DPYD: variants seen among roughly 807,000 people sequenced by gnomAD.
The protein encoded by DPYD is dihydropyrimidine dehydrogenase [NADP(+)].
In DPYD, 109 loss-of-function variants were observed where a neutral mutation model predicts 116.2. That is an observed-to-expected ratio of 0.94 (90% CI 0.80 to 1.10). The LOEUF (loss-of-function observed/expected upper bound fraction) is 1.10, where lower values mean the gene tolerates loss of function less well. Among genes scored for constraint, DPYD ranks in the 50% least tolerant of loss-of-function variants. DPYD has a pLI of 0.00. For missense variants in DPYD, 1,302 were observed against 1,254.5 expected, an observed-to-expected ratio of 1.04 and a Z score of -0.57; for synonymous variants, 440 against 432.0, an observed-to-expected ratio of 1.02 and a Z score of -0.23.
intron 2 of DPYD, among the ~76,000 whole-genome samples, chr1:97,882,280 CTCTGTT>C (rs1360934268): frequency 6.6e-6 from 1 of 151,906 alleles, no homozygotes; most frequent in African/African-American, 2.4e-5. Flanking sequence ...AACATTGTTT[CTCTGTT>C]TCTTTTTCTT....
chr1:97,152,702 T>C (rs1388982586), intron 20 of DPYD, among the ~76,000 whole-genome samples: 3 of 151,214 alleles, frequency 2.0e-5, no homozygotes, highest in Admixed American at 6.6e-5. Flanking sequence ...TATATTGATA[T>C]ATATAATTAT....
In DPYD at chr1:97,602,024, A is replaced by T. The variant is rs1302859608; in HGVS notation, c.851-6858T>A. 1.3e-5 allele frequency among the ~76,000 whole-genome samples: 2 copies of T among 152,038 alleles called. 1 individual carries two copies. The highest frequency in any genetic ancestry group is 2.9e-5 in the Non-Finnish European group (2 of 67,886). Reference sequence around the variant, plus strand: ...CAATTGGTTAGAGAATAACAAGAACATTTTTAAAAATGTTATGAATGGAGA... The same window carrying T: ...CAATTGGTTAGAGAATAACAAGAACTTTTTTAAAAATGTTATGAATGGAGA... On this transcript the variant is annotated intron_variant, in intron 8 of 22. Coordinates refer to ENST00000370192, the MANE Select transcript of DPYD (RefSeq NM_000110.4).
chr1:97,234,320 CA>C (rs1415661890), intron 19 of DPYD, among the ~76,000 whole-genome samples: 1 of 152,160 alleles, frequency 6.6e-6, no homozygotes, highest in Non-Finnish European at 1.5e-5. Flanking sequence ...CACTACATCT[CA>C]CAGCATCCCT....
intron 16 of DPYD, among the ~76,000 whole-genome samples, chr1:97,352,969 G>T (rs556661010): frequency 5.3e-5 from 8 of 152,108 alleles, no homozygotes; most frequent in South Asian, 2.1e-4. Context: ...TCAAGCAAGG[G>T]GGGTGGGGGA....
intron 10 of DPYD, among the ~76,000 whole-genome samples, chr1:97,589,386 GGTGA>G (rs1365266833): frequency 1.3e-5 from 2 of 152,104 alleles, no homozygotes; most frequent in African/African-American, 2.4e-5. Context: ...TTCTCATGAT[GGTGA>G]GTGAGTTCTC....
At chr1:97,866,309 T>C (rs1360726756) in intron 2 of DPYD, among the ~76,000 whole-genome samples, 3 of 151,956 alleles carry the variant, frequency 2.0e-5, no homozygotes, top group Non-Finnish European at 4.4e-5. Flanking sequence ...ACAGCTTCTT[T>C]ACTGGCCTTC....
chr1:97,683,137 G>T (rs1014495098), intron 7 of DPYD, among the ~76,000 whole-genome samples: 1 of 151,908 alleles, frequency 6.6e-6, no homozygotes, highest in East Asian at 1.9e-4. Flanking sequence ...CTTCACAGTT[G>T]TCTAATAGAA....
In DPYD at chr1:97,102,383, T is replaced by C. The variant is rs574010713; in HGVS notation, c.2623-3751A>G. The stretch of plus-strand genomic sequence containing the variant: ...AATATTTCCGGCTTATATCAGAATA[T>C]ATCACTCAGTATCATATATATATAT... On this transcript the variant is annotated intron_variant, in intron 20 of 22. Coordinates refer to ENST00000370192, the MANE Select transcript of DPYD (RefSeq NM_000110.4). 4.6e-5 allele frequency among the ~76,000 whole-genome samples: 4 copies of C among 87,064 alleles called. No individual in the cohort carries two copies. The Admixed American group carries it at 4.6e-4, about 10-fold the overall frequency. The allele number at this position is 87,064 out of a possible 152,430, so 57.1% of individuals were successfully genotyped here.
At chr1:97,447,939 G>A (rs1676179517) in intron 14 of DPYD, among the ~76,000 whole-genome samples, 1 of 152,050 alleles carries the variant, frequency 6.6e-6, no homozygotes, top group Non-Finnish European at 1.5e-5. Context: ...GCATTAAAAT[G>A]TAATACTAGA....
chr1:97,753,844 T>C (rs1198973662), intron 3 of DPYD, among the ~76,000 whole-genome samples: 2 of 151,856 alleles, frequency 1.3e-5, no homozygotes, highest in Non-Finnish European at 2.9e-5. Flanking sequence ...ATGGATAAAA[T>C]AAAAATACAT....
At chr1:97,588,127 G>C (rs1178546950) in intron 10 of DPYD, among the ~76,000 whole-genome samples, 1 of 152,126 alleles carries the variant, frequency 6.6e-6, no homozygotes, top group African/African-American at 2.4e-5. Flanking sequence ...AAATAATAAA[G>C]TAGCATTAAT....
At chr1:97,600,677 C>G (rs141147480) in intron 8 of DPYD, among the ~76,000 whole-genome samples, 6 of 152,214 alleles carry the variant, frequency 3.9e-5, no homozygotes, top group Non-Finnish European at 8.8e-5. Flanking sequence ...ACACGAAAAA[C>G]AGGTATATAA....
At chr1:97,228,537 T>C (rs1661348171) in intron 19 of DPYD, among the ~76,000 whole-genome samples, 1 of 152,238 alleles carries the variant, frequency 6.6e-6, no homozygotes, top group Non-Finnish European at 1.5e-5. Flanking sequence ...ACATAGTCTA[T>C]ACACATGATG....
chr1:97,258,855 A>T (rs1033208633), intron 18 of DPYD, among the ~76,000 whole-genome samples: 1 of 152,190 alleles, frequency 6.6e-6, no homozygotes, highest in Non-Finnish European at 1.5e-5. Flanking sequence ...AGAATTGTCT[A>T]TAAACACAAG....
chr1:97,907,896 A>T (rs1303799302), intron 1 of DPYD, among the ~76,000 whole-genome samples: 7 of 152,070 alleles, frequency 4.6e-5, no homozygotes, highest in Non-Finnish European at 8.8e-5. Context: ...TCTAAAGTAA[A>T]GGTGTCAACC....
intron 1 of DPYD, among the ~76,000 whole-genome samples, chr1:97,894,620 G>C (rs1672960079): frequency 6.6e-6 from 1 of 151,390 alleles, no homozygotes; most frequent in Non-Finnish European, 1.5e-5. Context: ...TGTAACACTA[G>C]CTATTAATTA....
chr1:97,573,288 C>T (rs776821945), intron 11 of DPYD, among the ~76,000 whole-genome samples: 2 of 152,018 alleles, frequency 1.3e-5, no homozygotes, highest in Non-Finnish European at 2.9e-5. Context: ...AAATGACAGA[C>T]ATTTAAACTT....
At chr1:97,843,662 A>C (rs1348242354) in intron 2 of DPYD, among the ~76,000 whole-genome samples, 2 of 152,190 alleles carry the variant, frequency 1.3e-5, no homozygotes, top group Admixed American at 1.3e-4. Flanking sequence ...AAGAAGTCAA[A>C]TGTTCATTAA....
intron 3 of DPYD, among the ~76,000 whole-genome samples, chr1:97,771,334 C>T (rs1387583479): frequency 2.6e-5 from 4 of 152,056 alleles, no homozygotes; most frequent in Admixed American, 6.6e-5. Flanking sequence ...ATGCTGTTAG[C>T]GGCTGCATCA....
Sources: allele counts gnomAD v4.1 joint callset (sites outside exome capture counted in the v4.1 genomes callset), GRCh38; gene constraint gnomAD v4.1.1; transcripts MANE v1.5; gene names NCBI Gene and HGNC (gene_info 2026-07-23, HGNC 2026-07-21).